POLRMT: variants seen among roughly 807,000 people sequenced by gnomAD.
The protein encoded by POLRMT is RNA polymerase mitochondrial.
A neutral mutation model predicts 132.2 loss-of-function variants in POLRMT; 114 were observed. The observed-to-expected ratio is 0.86, with a 90% CI of 0.74 to 1.01. The LOEUF is 1.01. Among genes scored for constraint, POLRMT ranks in the 50% least tolerant of loss-of-function variants. The pLI is 0.00. For missense variants in POLRMT, 2,003 were observed against 1,729.1 expected, an observed-to-expected ratio of 1.16 and a Z score of -2.81; for synonymous variants, 1,020 against 773.4, an observed-to-expected ratio of 1.32 and a Z score of -5.29.
chr19:617,679 C>T (rs1984101723), intron 18 of POLRMT, 24 bp from the exon 19 acceptor site: 1 of 1,612,482 alleles, frequency 6.2e-7, no homozygotes, highest in Non-Finnish European at 8.5e-7. Context: ...AGAGGATCCC[C>T]AGGGGTGATC....
Position 619,580 on chromosome 19 carries a change from G to A in POLRMT, c.3066+6C>T. The A allele has an allele frequency of 6.2e-7, 1 of 1,611,398 alleles. No individual in the cohort carries two copies. Among genetic ancestry groups the A allele is most frequent in the Non-Finnish European group, 8.5e-7 (1 of 1,179,568 alleles). On this transcript the variant is annotated splice_donor_region_variant and intron_variant, in intron 13 of 20. Transcript: ENST00000588649. Reference sequence around the variant, plus strand: ...ACGTGTTCGCAGCGCGACATGCCTGGCGCACCTGGGGAAAGTCGCTCAGCT... The same window carrying A: ...ACGTGTTCGCAGCGCGACATGCCTGACGCACCTGGGGAAAGTCGCTCAGCT...
intron 17 of POLRMT, 150 bp downstream of exon 17, chr19:618,338 T>A (rs1984181014): frequency 1.6e-6 from 1 of 643,172 alleles, no homozygotes; most frequent in South Asian, 2.0e-5. Flanking sequence ...GCACACAGCC[T>A]CAGGGCCTCT....
chr19:620,669 G>C (rs921041893), intron 10 of POLRMT, among the ~76,000 whole-genome samples, 182 bp from the exon 11 acceptor site: 1 of 150,144 alleles, frequency 6.7e-6, no homozygotes, highest in Non-Finnish European at 1.5e-5. Flanking sequence ...CACGGATGGA[G>C]GATGGGAGCT....
chr19:633,015 T>A (rs562783658), intron 1 of POLRMT, 77 bp from the exon 2 acceptor site: 102 of 1,044,480 alleles, frequency 9.8e-5, no homozygotes, highest in Admixed American at 5.9e-4. Flanking sequence ...AGCCGAAGGG[T>A]CGAAGGGCAA....
chr19:617,257 A>C lies in POLRMT; in HGVS notation c.*17T>G, dbSNP rs1414877597. The stretch of plus-strand genomic sequence containing the variant: ...GCAAAAGAGCTTTATTTACACACTG[A>C]CAAGGCTCACGGGGTGTCAGCTGAA... On this transcript the variant is annotated 3_prime_UTR_variant, in exon 21 of 21. Transcript: ENST00000588649. 6.2e-7 allele frequency: 1 copy of C among 1,612,326 alleles called. No individual in the cohort carries two copies. Among genetic ancestry groups the C allele is most frequent in the Non-Finnish European group, 8.5e-7 (1 of 1,179,762 alleles).
chr19:617,469 A>G lies in POLRMT; in HGVS notation c.3593T>C (p.Ile1198Thr). 6.2e-7 allele frequency: 1 copy of G among 1,603,660 alleles called. No individual in the cohort carries two copies. The highest frequency in any genetic ancestry group is 8.5e-7 in the Non-Finnish European group (1 of 1,175,966). ...CTCCTTCAGCTGGCTGGCCTCCAAG[A>G]TCTTCTGGGGCCTGGGGTTGGAAGC... ...VKRFCSEPQKILEASQLKETL... is the reference protein window; with the variant it reads ...VKRFCSEPQKTLEASQLKETL... Residue 1198 changes from isoleucine to threonine, a missense_variant, in exon 20 of 21, where the codon ATC becomes ACC. Physicochemically the swap from Ile to Thr is moderately conservative, Grantham distance 89. Coordinates refer to ENST00000588649, the MANE Select transcript of POLRMT (RefSeq NM_005035.4).
rs960151218 is a variant in POLRMT, at chr19:626,162, A to AT, written c.823-909dup. 4.0e-5 allele frequency among the ~76,000 whole-genome samples: 6 copies of AT among 150,516 alleles called. No homozygotes were observed. The East Asian group carries it at 1.2e-3, about 31-fold the overall frequency. On this transcript the variant is annotated intron_variant, in intron 3 of 20. Coordinates refer to ENST00000588649, the MANE Select transcript of POLRMT (RefSeq NM_005035.4). ...TCTTCTTTGGAAATTTTATTTAATT[A>AT]TTTTTTTAGATAGAGTCTCGCTCTG...
chr19:622,499 G>C, intron 8 of POLRMT, 83 bp downstream of exon 8: 1 of 1,486,660 alleles, frequency 6.7e-7, no homozygotes. Context: ...CTGAAGCTTG[G>C]GTGCAAACCC....
Position 620,502 on chromosome 19 carries a change from G to C in POLRMT, c.2641-15C>G. On this transcript the variant is annotated splice_polypyrimidine_tract_variant and intron_variant, in intron 10 of 20. Coordinates refer to ENST00000588649, the MANE Select transcript of POLRMT (RefSeq NM_005035.4). ...CACTTTCGGCCCTGCGGGGACAGCG[G>C]ATGGGGGGCAGTGAGGCCCGGGCCC... The C allele has an allele frequency of 6.4e-7, 1 of 1,560,740 alleles. No homozygotes were observed.
At position 625,141 on chromosome 19, in the gene POLRMT, G is replaced by A. The variant is rs1030122378; in HGVS notation, c.936C>T (p.Asp312=). 19 of 1,613,386 alleles carry A rather than the reference G, an allele frequency of 1.2e-5. No individual in the cohort carries two copies. The highest frequency in any genetic ancestry group is 4.5e-5 in the East Asian group (2 of 44,880). ...ALQCMGRQDQ[D]AGTIERCLEQ... ...CCACCTACCTTTCGATGGTCCCGGCGTCCTGGTCCTGCCTCCCCATGCACT... is the reference window on the plus strand; with the variant it reads ...CCACCTACCTTTCGATGGTCCCGGCATCCTGGTCCTGCCTCCCCATGCACT... The change falls in exon 4 of 21, where the codon GAC becomes GAT. Residue 312 remains aspartate, a synonymous_variant. Coordinates refer to ENST00000588649, the MANE Select transcript of POLRMT (RefSeq NM_005035.4).
rs1984553434 is a variant in POLRMT at position 621,195 on chromosome 19, G to C, written c.2503C>G (p.Pro835Ala). ...ATCTTGAGCCAATCCAGGCCGTGCGGGCCGAGCGGGCGGCCCTGGGCGAAC... is the reference window on the plus strand; with the variant it reads ...ATCTTGAGCCAATCCAGGCCGTGCGCGCCGAGCGGGCGGCCCTGGGCGAAC... ...LEFAQGRPLG[P>A]HGLDWLKIHL... The change falls in exon 10 of 21, where the codon CCG (proline) becomes GCG (alanine). Residue 835 changes from proline (P) to alanine (A), a missense_variant. Transcript: ENST00000588649. 1 of 1,610,546 alleles carries C rather than the reference G, an allele frequency of 6.2e-7. No individual in the cohort carries two copies. The highest frequency in any genetic ancestry group is 1.1e-5 in the South Asian group (1 of 91,028).
intron 3 of POLRMT, among the ~76,000 whole-genome samples, chr19:625,673 T>C (rs1984972381): frequency 6.6e-6 from 1 of 152,200 alleles, no homozygotes; most frequent in African/African-American, 2.4e-5. Context: ...TTTCCTAAGG[T>C]GAAAGGTGAC....
intron 15 of POLRMT, 102 bp downstream of exon 15, chr19:618,895 C>CGGGATGG: frequency 1.5e-6 from 2 of 1,343,404 alleles, no homozygotes; most frequent in Admixed American, 2.0e-5. Flanking sequence ...CACACTGGGG[C>CGGGATGG]GGTGGTACAC....
intron 3 of POLRMT, among the ~76,000 whole-genome samples, chr19:628,441 C>A (rs1434907678): frequency 6.6e-6 from 1 of 152,250 alleles, no homozygotes; most frequent in Non-Finnish European, 1.5e-5. Flanking sequence ...GCGGACTTCA[C>A]CGCAAGACTG....
rs765600381 is a variant in POLRMT at position 623,529 on chromosome 19, G to A, written c.1215C>T (p.His405=). ...TLQCLFEKQL[H]MELASRVCVV... is the part of the protein sequence containing the mutation. ...CGCACACCCTGCTGGCCAGCTCCAT[G>A]TGGAGCTGCTTCTCAAAGAGGCACT... The change falls in exon 6 of 21, where the codon CAC becomes CAT. Residue 405 remains histidine (H), a synonymous_variant. Coordinates refer to ENST00000588649, the MANE Select transcript of POLRMT (RefSeq NM_005035.4). The A allele has an allele frequency of 1.2e-5, 19 of 1,613,630 alleles. No homozygotes were observed. Among genetic ancestry groups the A allele is most frequent in the Middle Eastern group, 3.3e-4 (2 of 5,996 alleles).
At chr19:620,586 C>T (rs1194249556) in intron 10 of POLRMT, 99 bp from the exon 11 acceptor site, 6 of 1,384,586 alleles carry the variant, frequency 4.3e-6, no homozygotes, top group Non-Finnish European at 5.7e-6. Context: ...GGAGGAGACG[C>T]ACACCCGTGA....
intron 11 of POLRMT, 102 bp from the exon 12 acceptor site, chr19:620,182 C>G (rs960123769): frequency 1.3e-6 from 2 of 1,489,530 alleles, no homozygotes; most frequent in Non-Finnish European, 1.8e-6. Flanking sequence ...GCCGTGCACC[C>G]CCCAGCCAAG....
intron 10 of POLRMT, 133 bp from the exon 11 acceptor site, chr19:620,620 G>A (rs1984452502): frequency 3.4e-6 from 4 of 1,166,036 alleles, no homozygotes; most frequent in East Asian, 2.8e-5. Context: ...ACGCATGTGG[G>A]CGAGAGACGG....
In POLRMT at chr19:618,145, C is replaced by A. The variant is rs186794360; in HGVS notation, c.3423-296G>T. ...GGTCCCCTCCTGCCAGGGCCACCAC[C>A]CCGCATCCTGAGCATTCCCAGCTCC... On this transcript the variant is annotated intron_variant, in intron 17 of 20. Coordinates refer to ENST00000588649, the MANE Select transcript of POLRMT (RefSeq NM_005035.4). 720 of 566,312 alleles carry A rather than the reference C, an allele frequency of 1.3e-3. 7 individuals are homozygous for A. In the East Asian group the frequency reaches 0.02, roughly 16 times the overall value. 35.1% of individuals were successfully genotyped at this position (566,312 alleles called of 1,614,324 possible).
Sources: allele counts gnomAD v4.1 joint callset (sites outside exome capture counted in the v4.1 genomes callset), GRCh38; gene constraint gnomAD v4.1.1; transcripts MANE v1.5; gene names NCBI Gene and HGNC (gene_info 2026-07-23, HGNC 2026-07-21).